Variants in PCDH11X observed in about 807,000 individuals in gnomAD.
PCDH11X encodes the protein protocadherin-11 X-linked.
In PCDH11X, 18 loss-of-function variants were observed where a neutral mutation model predicts 53.3. The observed-to-expected ratio is 0.34, with a 90% CI of 0.23 to 0.50. The LOEUF is 0.50. Among genes scored for constraint, PCDH11X ranks in the 20% least tolerant of loss-of-function variants. The pLI, the probability that PCDH11X is intolerant of heterozygous loss-of-function variation, is 0.98. For missense variants in PCDH11X, 570 were observed against 1,032.4 expected, an observed-to-expected ratio of 0.55 and a Z score of 6.14; for synonymous variants, 279 against 393.3, an observed-to-expected ratio of 0.71 and a Z score of 3.44.
chrX:91,877,084 G>A lies in PCDH11X; in HGVS notation c.844G>A (p.Ala282Thr), dbSNP rs1219343585. The part of the protein sequence containing the change: ...HATDADIGEN[A>T]KIHFSFSNLV... ...CACAGATGCTGACATAGGTGAAAAT[G>A]CCAAGATCCACTTCTCTTTCAGCAA... Residue 282 changes from alanine (A) to threonine (T), a missense_variant, in exon 6 of 11, where the codon GCC (alanine) becomes ACC (threonine). By Grantham distance (58) the Ala-to-Thr change is moderately conservative. Around this residue, in one of 6 missense-constraint regions of PCDH11X, gnomAD observed 8 missense variants for 75.1 expected, o/e 0.11. Transcript: ENST00000682573. 4 of 1,161,229 alleles carry A rather than the reference G, an allele frequency of 3.4e-6. No homozygotes were observed.
intron 5 of PCDH11X, among the ~76,000 whole-genome samples, chrX:91,871,683 G>T (rs2085691046): frequency 2.7e-5 from 3 of 109,749 alleles, no homozygotes; most frequent in Admixed American, 9.8e-5. Context: ...ATTTGGCAAT[G>T]AATATCCTTT....
At chrX:92,364,995 CT>C (rs1394514757) in intron 8 of PCDH11X, among the ~76,000 whole-genome samples, 3 of 73,677 alleles carry the variant, frequency 4.1e-5, no homozygotes, top group Non-Finnish European at 8.2e-5. Flanking sequence ...ATATTTTAAA[CT>C]TTTTAAATCT....
At chrX:92,202,451 G>A (rs2066406096) in intron 7 of PCDH11X, among the ~76,000 whole-genome samples, 2 of 110,818 alleles carry the variant, frequency 1.8e-5, no homozygotes, top group Non-Finnish European at 3.8e-5. Context: ...TGCCTCTGCT[G>A]CAACTGATTA....
At chrX:92,582,858 G>A (rs1273241439) in intron 10 of PCDH11X, among the ~76,000 whole-genome samples, 3 of 109,185 alleles carry the variant, frequency 2.7e-5, no homozygotes, top group East Asian at 2.8e-4. Context: ...GCGTGACCTG[G>A]ATGTGAGACA....
chrX:91,799,812 C>A (rs1384057109), intron 1 of PCDH11X, among the ~76,000 whole-genome samples: 1 of 111,948 alleles, frequency 8.9e-6, no homozygotes, highest in Admixed American at 9.4e-5. Context: ...TGGCTGGTTG[C>A]GGTGGCTCCC....
intron 9 of PCDH11X, among the ~76,000 whole-genome samples, chrX:92,435,170 A>T (rs905074580): frequency 9.0e-6 from 1 of 110,901 alleles, no homozygotes; most frequent in Non-Finnish European, 1.9e-5. Flanking sequence ...ATAGACCAAG[A>T]TGAGGAAATA....
chrX:91,840,862 T>C (rs1430137045), intron 5 of PCDH11X, among the ~76,000 whole-genome samples: 1 of 108,800 alleles, frequency 9.2e-6, no homozygotes, highest in African/African-American at 3.3e-5. Context: ...TTTAGAAAAC[T>C]TACTTAGTTT....
chrX:92,151,414 G>A (rs1055089656), intron 6 of PCDH11X, among the ~76,000 whole-genome samples: 1 of 110,532 alleles, frequency 9.0e-6, no homozygotes, highest in Non-Finnish European at 1.9e-5. Context: ...GGATGGTCTC[G>A]ATCTCCTGAC....
At position 91,947,037 on chromosome X, in the gene PCDH11X, A is replaced by G. The variant is rs372146039; in HGVS notation, c.3033+67764A>G. Reference sequence around the variant, plus strand: ...CCCAGGTATATGTAGTACAAAGCTGATCCTGGGTAATTAATGGTCAGTCAG... The same window carrying G: ...CCCAGGTATATGTAGTACAAAGCTGGTCCTGGGTAATTAATGGTCAGTCAG... On this transcript the variant is annotated intron_variant, in intron 6 of 10. Coordinates refer to ENST00000682573, the MANE Select transcript of PCDH11X (RefSeq NM_032968.5). Among the ~76,000 whole-genome samples the G allele has an allele frequency of 2.7e-4, 28 of 102,816 alleles. No individual in the cohort carries two copies. The East Asian group carries it at 4.8e-3, about 18-fold the overall frequency. 89.3% of individuals were successfully genotyped at this position (102,816 alleles called of 115,157 possible). A position where few individuals can be genotyped will look rare whatever the true frequency, so the allele number is the denominator to read the frequency against.
chrX:92,509,385 G>T (rs1177858254), intron 10 of PCDH11X, among the ~76,000 whole-genome samples: 1 of 109,134 alleles, frequency 9.2e-6, no homozygotes, highest in African/African-American at 3.3e-5. Flanking sequence ...CAAATAAATT[G>T]TAACTCAAGA....
At chrX:91,981,080 T>C (rs2062128589) in intron 6 of PCDH11X, among the ~76,000 whole-genome samples, 1 of 103,569 alleles carries the variant, frequency 9.7e-6, no homozygotes, top group Non-Finnish European at 1.9e-5. Context: ...ATACACTGAA[T>C]ATATATATAC....
intron 9 of PCDH11X, among the ~76,000 whole-genome samples, chrX:92,399,734 T>C (rs1038303402): frequency 3.0e-5 from 3 of 101,099 alleles, no homozygotes; most frequent in Admixed American, 2.4e-4. Context: ...ACACATCTTA[T>C]TTGTATTTAT....
intron 5 of PCDH11X, among the ~76,000 whole-genome samples, chrX:91,850,028 G>C (rs1483634272): frequency 9.4e-6 from 1 of 106,523 alleles, no homozygotes; most frequent in African/African-American, 3.4e-5. Flanking sequence ...TTATTCATAG[G>C]ATTAGATAAG....
intron 5 of PCDH11X, among the ~76,000 whole-genome samples, chrX:91,871,303 A>G (rs1602397872): frequency 9.2e-6 from 1 of 108,533 alleles, no homozygotes; most frequent in East Asian, 2.9e-4. Context: ...CCAAAGATGT[A>G]TCAGTAATAC....
At chrX:92,457,798 C>A (rs1019568793) in intron 9 of PCDH11X, among the ~76,000 whole-genome samples, 2 of 108,028 alleles carry the variant, frequency 1.9e-5, no homozygotes, top group Non-Finnish European at 3.8e-5. Context: ...TTTGGGGGAA[C>A]AATGCAATAT....
chrX:91,913,223 G>T (rs1048556531), intron 6 of PCDH11X, among the ~76,000 whole-genome samples: 13 of 111,259 alleles, frequency 1.2e-4, no homozygotes, highest in African/African-American at 3.9e-4. Flanking sequence ...GGGGATGGGA[G>T]GGAGCTGCTG....
intron 6 of PCDH11X, among the ~76,000 whole-genome samples, chrX:91,884,381 G>A (rs956873345): frequency 1.8e-5 from 2 of 110,107 alleles, no homozygotes; most frequent in African/African-American, 6.6e-5. Context: ...CATAATTCCA[G>A]TCATATGAGG....
At chrX:91,983,228 C>A in intron 6 of PCDH11X, 2 of 798,768 alleles carry the variant, frequency 2.5e-6, no homozygotes, top group Non-Finnish European at 3.9e-6. Flanking sequence ...CTTCAGTCCA[C>A]GTGCAAGCTG....
chrX:91,914,639 G>A (rs943121597), intron 6 of PCDH11X, among the ~76,000 whole-genome samples: 7 of 111,365 alleles, frequency 6.3e-5, no homozygotes, highest in Admixed American at 4.8e-4. Context: ...CATAGAACAC[G>A]TAGAAGAAAT....
Sources: gnomAD v4.1 joint callset for allele counts (sites outside exome capture counted in the v4.1 genomes callset) on GRCh38, gnomAD v4.1.1 for gene constraint, gnomAD v4.1.1 regional missense constraint, MANE v1.5 for transcripts, NCBI Gene and HGNC (gene_info 2026-07-23, HGNC 2026-07-21) for gene names.